Variants in CPA3 observed in about 807,000 individuals in gnomAD.
The protein encoded by CPA3 is carboxypeptidase A3.
In CPA3, 52 loss-of-function variants were observed where a neutral mutation model predicts 55.8. That is an observed-to-expected ratio of 0.93 (90% CI 0.75 to 1.17). The LOEUF is 1.17. Among genes scored for constraint, CPA3 ranks in the 50% most tolerant of loss-of-function variants. CPA3 has a pLI of 0.00. For missense variants in CPA3, 547 were observed against 509.1 expected, an observed-to-expected ratio of 1.07 and a Z score of -0.72; for synonymous variants, 179 against 171.2, an observed-to-expected ratio of 1.05 and a Z score of -0.36.
At chr3:148,869,729 G>C (rs1714008217) in intron 3 of CPA3, among the ~76,000 whole-genome samples, 2 of 152,198 alleles carry the variant, frequency 1.3e-5, no homozygotes, top group African/African-American at 4.8e-5. Context: ...GCCATGCCCA[G>C]TCTGGGCCCT....
At chr3:148,871,087 C>T (rs986865411) in intron 3 of CPA3, among the ~76,000 whole-genome samples, 14 of 152,062 alleles carry the variant, frequency 9.2e-5, no homozygotes, top group African/African-American at 1.7e-4. Context: ...TTAGTAAAGA[C>T]GGGGTTTCAC....
In CPA3 at chr3:148,896,506, C is replaced by T. The variant is rs1714831892; in HGVS notation, c.1067-14C>T. 1 of 1,504,602 alleles carries T rather than the reference C, an allele frequency of 6.6e-7. No individual in the cohort carries two copies. Among genetic ancestry groups the T allele is most frequent in the African/African-American group, 1.4e-5 (1 of 72,506 alleles). 93.2% of individuals were successfully genotyped at this position (1,504,602 alleles called of 1,614,324 possible). On this transcript the variant is annotated splice_polypyrimidine_tract_variant and intron_variant, in intron 10 of 10. Transcript: ENST00000296046. ...TTTGTCTCTAATTAAATATTTACTG[C>T]TTGTGTTTTACAGACCCGATATCAG... is the stretch of plus-strand genomic sequence containing the variant.
At position 148,897,185 on chromosome 3, in the gene CPA3, T is replaced by G. The variant is rs1714854304; in HGVS notation, c.*478T>G. ...TTCAGTCTGTTAATAAGAAATAATA[T>G]CTTCAATTTTCAAAAACATAATTTG... On this transcript the variant is annotated 3_prime_UTR_variant, in exon 11 of 11. Transcript: ENST00000296046. 1.3e-5 allele frequency: 2 copies of G among 152,222 alleles called. No homozygotes were observed. The allele number at this position is 152,222 out of a possible 1,614,324, so 9.4% of individuals were successfully genotyped here. A position where few individuals can be genotyped will look rare whatever the true frequency, so the allele number is the denominator to read the frequency against.
Position 148,865,336 on chromosome 3 carries a change from T to C in CPA3, c.29T>C (p.Ile10Thr), listed in dbSNP as rs778348410. Residue 10 changes from isoleucine (I) to threonine (T), a missense_variant, in exon 1 of 11, where the codon ATT (isoleucine) becomes ACT (threonine). By Grantham distance (89) the Ile-to-Thr change is moderately conservative. Coordinates refer to ENST00000296046, the MANE Select transcript of CPA3 (RefSeq NM_001870.4). Reference sequence around the variant, plus strand: ...AGGCTCATCCTGCCTGTGGGTTTGATTGCTACCACTCTTGCAATTGCTCCT... The same window carrying C: ...AGGCTCATCCTGCCTGTGGGTTTGACTGCTACCACTCTTGCAATTGCTCCT... MRLILPVGL[I>T]ATTLAIAPVR... is the part of the protein sequence containing the mutation. The C allele has an allele frequency of 3.7e-6, 6 of 1,614,046 alleles. No homozygotes were observed. The highest frequency in any genetic ancestry group is 2.2e-5 in the South Asian group (2 of 91,090).
intron 9 of CPA3, among the ~76,000 whole-genome samples, chr3:148,885,669 G>T (rs548339484): frequency 2.6e-5 from 4 of 151,742 alleles, no homozygotes; most frequent in Non-Finnish European, 5.9e-5. Context: ...CTCAGCCTCC[G>T]CAAGTGCTGG....
intron 3 of CPA3, among the ~76,000 whole-genome samples, chr3:148,873,579 A>C (rs1714129985): frequency 6.6e-6 from 1 of 152,178 alleles, no homozygotes; most frequent in African/African-American, 2.4e-5. Context: ...GAGTTGGTTG[A>C]TTGGGCCAAC....
In CPA3 at chr3:148,886,789, C is replaced by T. The variant is rs191240145; in HGVS notation, c.1066+612C>T. Among the ~76,000 whole-genome samples, 697 of 152,292 alleles carry T rather than the reference C, an allele frequency of 4.6e-3. 2 individuals carry two copies. The highest frequency in any genetic ancestry group is 8.4e-3 in the Non-Finnish European group (569 of 68,032). On this transcript the variant is annotated intron_variant, in intron 10 of 10. Coordinates refer to ENST00000296046, the MANE Select transcript of CPA3 (RefSeq NM_001870.4). ...GACTCTTTCTTACTTGCCTTGTCTA[C>T]ATGTAAGTATGGTCTTTTCCCTAGC...
chr3:148,867,457 T>C (rs935532874), intron 2 of CPA3, among the ~76,000 whole-genome samples: 2 of 152,248 alleles, frequency 1.3e-5, no homozygotes, highest in Non-Finnish European at 2.9e-5. Flanking sequence ...AAGTCCCTTA[T>C]TAGTCTCTAC....
chr3:148,875,003 T>C (rs192121738), intron 3 of CPA3, among the ~76,000 whole-genome samples: 3 of 152,238 alleles, frequency 2.0e-5, no homozygotes, highest in African/African-American at 2.4e-5. Context: ...GTCACCACAA[T>C]TGTAAAAGTT....
chr3:148,892,377 G>A (rs1714694802), intron 10 of CPA3, among the ~76,000 whole-genome samples: 1 of 152,160 alleles, frequency 6.6e-6, no homozygotes, highest in East Asian at 1.9e-4. Context: ...TGTCAGCTGA[G>A]CACGGTGGCT....
chr3:148,891,932 A>G (rs1196735956), intron 10 of CPA3, among the ~76,000 whole-genome samples: 1 of 152,166 alleles, frequency 6.6e-6, no homozygotes, highest in Non-Finnish European at 1.5e-5. Context: ...TTTCTTTCTC[A>G]TGAACTTAAA....
chr3:148,869,499 T>TG (rs1250412923), intron 3 of CPA3, among the ~76,000 whole-genome samples: 1 of 151,958 alleles, frequency 6.6e-6, no homozygotes, highest in Non-Finnish European at 1.5e-5. Context: ...ATACAGCAAT[T>TG]GGTATGTCAT....
rs185779625 is a variant in CPA3 at position 148,873,767 on chromosome 3, G to T, written c.270-4674G>T. Among the ~76,000 whole-genome samples the T allele has an allele frequency of 1.7e-3, 258 of 152,224 alleles. 2 individuals are homozygous for T. Among genetic ancestry groups the T allele is most frequent in the African/African-American group, 6.0e-3 (248 of 41,536 alleles). ...AACAGTTGTGTCCATTTTGGAAACT[G>T]GCCAAACCTTCATAAAAACAAGAGC... On this transcript the variant is annotated intron_variant, in intron 3 of 10. Coordinates refer to ENST00000296046, the MANE Select transcript of CPA3 (RefSeq NM_001870.4).
At chr3:148,892,593 C>T (rs538128249) in intron 10 of CPA3, among the ~76,000 whole-genome samples, 3 of 152,184 alleles carry the variant, frequency 2.0e-5, no homozygotes, top group African/African-American at 7.2e-5. Context: ...GCAGAGGTTG[C>T]AGTGAGCTGA....
intron 3 of CPA3, chr3:148,869,886 A>G (rs577691222): frequency 2.0e-5 from 3 of 152,366 alleles, no homozygotes; most frequent in Non-Finnish European, 4.4e-5. Context: ...TGAGGTCAGG[A>G]GTTAGAGACC....
In CPA3 at chr3:148,886,149, C is replaced by T. The variant is rs199984711; in HGVS notation, c.1038C>T (p.Tyr346=). Residue 346 remains tyrosine (Y), a synonymous_variant, in exon 10 of 11, where the codon TAC becomes TAT. Coordinates refer to ENST00000296046, the MANE Select transcript of CPA3 (RefSeq NM_001870.4). ...TATCAACTCGATATGAAACCCGCTA[C>T]ATCTATGGCCCAATAGAATCAACAA... ...DVLSTRYETR[Y]IYGPIESTIY... is the part of the protein sequence containing the mutation. The T allele has an allele frequency of 1.1e-5, 18 of 1,612,920 alleles. No individual in the cohort carries two copies. The East Asian group carries it at 3.1e-4, about 28-fold the overall frequency.
chr3:148,886,566 A>G (rs564483920), intron 10 of CPA3, among the ~76,000 whole-genome samples: 7 of 151,826 alleles, frequency 4.6e-5, no homozygotes, highest in African/African-American at 1.4e-4. Context: ...ATGGTGACCT[A>G]TGCCTGTAGT....
Position 148,882,594 on chromosome 3 carries a change from C to A in CPA3, c.777C>A (p.Asn259Lys). The change falls in exon 8 of 11, where the codon AAC (asparagine) becomes AAA (lysine). Residue 259 changes from asparagine (N) to lysine (K), a missense_variant and splice_region_variant. Asn to Lys is a moderately conservative substitution (Grantham distance 94, BLOSUM62 0). Transcript: ENST00000296046. ...DLNRNFNASWNSIPNTNDPCA... is the reference protein window; with the variant it reads ...DLNRNFNASWKSIPNTNDPCA... ...ACAGGAATTTTAATGCTTCATGGAA[C>A]TGTGAGTAGCAGACTTGCTATCAAG... 1 of 1,612,546 alleles carries A rather than the reference C, an allele frequency of 6.2e-7. No individual in the cohort carries two copies. The highest frequency in any genetic ancestry group is 8.5e-7 in the Non-Finnish European group (1 of 1,178,780).
At chr3:148,866,918 G>A (rs953253545) in intron 2 of CPA3, among the ~76,000 whole-genome samples, 12 of 151,916 alleles carry the variant, frequency 7.9e-5, no homozygotes, top group African/African-American at 1.5e-4. Context: ...CACCATCCCC[G>A]GCTAATTTTT....
Sources: allele counts gnomAD v4.1 joint callset (sites outside exome capture counted in the v4.1 genomes callset), GRCh38; gene constraint gnomAD v4.1.1; transcripts MANE v1.5; gene names NCBI Gene and HGNC (gene_info 2026-07-23, HGNC 2026-07-21).